Variants in POFUT2 observed in about 807,000 individuals in gnomAD.
POFUT2 encodes protein O-fucosyltransferase 2.
POFUT2 carries 30 observed loss-of-function variants against 55.0 expected under a neutral mutation model. That is an observed-to-expected ratio of 0.55 (90% CI 0.41 to 0.74). The LOEUF (loss-of-function observed/expected upper bound fraction) is 0.74. Among genes scored for constraint, POFUT2 ranks in the 30% least tolerant of loss-of-function variants. POFUT2 has a pLI of 0.00. For missense variants in POFUT2, 524 were observed against 562.6 expected (o/e 0.93, Z 0.69); for synonymous variants, 267 against 231.1 (o/e 1.16, Z -1.41).
intron 3 of POFUT2, 34 bp downstream of exon 3, chr21:45,283,323 GCATGCGGCAGGGGGAGGTGGGGGGGC>G (rs2030967581): frequency 3.4e-6 from 2 of 585,704 alleles, no homozygotes; most frequent in South Asian, 2.1e-5. Context: ...GGGGGGGGAC[GCATGCGGCAGGGGGAGGTGGGGGGGC>G]ACCTGCGGCA....
chr21:45,276,017 T>C (rs1276543520), intron 6 of POFUT2, among the ~76,000 whole-genome samples: 1 of 152,124 alleles, frequency 6.6e-6, no homozygotes, highest in African/African-American at 2.4e-5. Flanking sequence ...GGGAAAATCC[T>C]GTCTGTACTC....
chr21:45,266,469 C>T, intron 8 of POFUT2: 1 of 1,141,372 alleles, frequency 8.8e-7, no homozygotes, highest in Non-Finnish European at 1.1e-6. Flanking sequence ...GGGCAGGAGG[C>T]TGAGAGCTCA....
chr21:45,275,727 T>C (rs2093256978), intron 6 of POFUT2, among the ~76,000 whole-genome samples: 1 of 152,154 alleles, frequency 6.6e-6, no homozygotes, highest in African/African-American at 2.4e-5. Context: ...ACAATGGACT[T>C]TGGGGACTCG....
At chr21:45,280,522 G>C (rs147148472) in intron 4 of POFUT2, among the ~76,000 whole-genome samples, 1 of 152,292 alleles carries the variant, frequency 6.6e-6, no homozygotes, top group Non-Finnish European at 1.5e-5. Context: ...CTTGCTCCAG[G>C]AGCAGCCTTT....
rs558493685 is a variant in POFUT2 at position 45,268,192 on chromosome 21, C to T, written c.1013-479G>A. Among the ~76,000 whole-genome samples, 768 of 152,356 alleles carry T rather than the reference C, an allele frequency of 5.0e-3. 4 individuals are homozygous for T. Among genetic ancestry groups the T allele is most frequent in the Non-Finnish European group, 7.7e-3 (524 of 68,024 alleles). ...TGGAGACGGGGTTTCGCTGTGTTGG[C>T]CGGGCCGGTCTCCAGCCCCTAACCG... On this transcript the variant is annotated intron_variant, in intron 7 of 8. Transcript: ENST00000349485.
In POFUT2 at chr21:45,267,157, C is replaced by T. The variant is rs191187084; in HGVS notation, c.1136+433G>A. 15 of 1,269,986 alleles carry T rather than the reference C, an allele frequency of 1.2e-5. No homozygotes were observed. The highest frequency in any genetic ancestry group is 7.8e-5 in the East Asian group (2 of 25,558). 78.7% of individuals were successfully genotyped at this position (1,269,986 alleles called of 1,614,324 possible). A position where few individuals can be genotyped will look rare whatever the true frequency, so the allele number is the denominator to read the frequency against. On this transcript the variant is annotated intron_variant, in intron 8 of 8. Coordinates refer to ENST00000349485, the MANE Select transcript of POFUT2 (RefSeq NM_133635.6). This position sits in a 1 kb window ranked among gnomAD's most constrained non-coding sequence, Gnocchi z 4.4. ...CTTGGGGACGCTCATGGCAGCCCCA[C>T]GAGAATGATCACACGAGGGCCCACG...
chr21:45,275,073 T>G (rs1375672141), intron 6 of POFUT2, among the ~76,000 whole-genome samples: 2 of 151,804 alleles, frequency 1.3e-5, no homozygotes, highest in African/African-American at 4.8e-5. Flanking sequence ...ATGAAACAGA[T>G]CAGCATGAAA....
At position 45,281,981 on chromosome 21, in the gene POFUT2, T is replaced by C. The variant is rs1304942492; in HGVS notation, c.638+368A>G. Among the ~76,000 whole-genome samples the C allele has an allele frequency of 1.3e-5, 2 of 152,018 alleles. No individual in the cohort carries two copies. Among genetic ancestry groups the C allele is most frequent in the Admixed American group, 1.3e-4 (2 of 15,274 alleles). On this transcript the variant is annotated intron_variant, in intron 4 of 8. Transcript: ENST00000349485. This position sits in a 1 kb window ranked among gnomAD's most constrained non-coding sequence, Gnocchi z 5.0. ...CAGAAAACAGATCAAACAGTGGGTG[T>C]TGGGTGTGGGGAGGGGGGAGGTACT...
rs757233229 is a variant in POFUT2, at chr21:45,283,459, T to C, written c.451A>G (p.Thr151Ala). ...CGCTCGTCCACCTTCTCTTCCCAGG[T>C]CCCTTCTTTCCACCCCTCTGCGTAA... ...QSYAEGWKEG[T>A]WEEKVDERPC... Residue 151 changes from threonine to alanine, a missense_variant, in exon 3 of 9, where the codon ACC becomes GCC. Thr to Ala is a moderately conservative substitution (Grantham distance 58). Coordinates refer to ENST00000349485, the MANE Select transcript of POFUT2 (RefSeq NM_133635.6). 6.2e-7 allele frequency: 1 copy of C among 1,613,806 alleles called. No individual in the cohort carries two copies. The highest frequency in any genetic ancestry group is 1.7e-5 in the Admixed American group (1 of 60,002).
At position 45,270,086 on chromosome 21, in the gene POFUT2, G is replaced by C. The variant is rs2093205605; in HGVS notation, c.832-67C>G. On this transcript the variant is annotated intron_variant, in intron 6 of 8. Transcript: ENST00000349485. This position sits in a 1 kb window ranked among gnomAD's most constrained non-coding sequence, Gnocchi z 4.6. ...GCTCGGGGCTCATCCTGGGCACCGG[G>C]TGGGACTCGAGACGCAGAGGGATGA... is the stretch of plus-strand genomic sequence containing the variant. The C allele has an allele frequency of 2.2e-6, 3 of 1,334,328 alleles. No homozygotes were observed. Among genetic ancestry groups the C allele is most frequent in the Non-Finnish European group, 3.0e-6 (3 of 1,003,480 alleles). 82.7% of individuals were successfully genotyped at this position (1,334,328 alleles called of 1,614,324 possible).
chr21:45,280,574 C>A (rs1347726802), intron 4 of POFUT2, among the ~76,000 whole-genome samples: 1 of 152,186 alleles, frequency 6.6e-6, no homozygotes, highest in Non-Finnish European at 1.5e-5. Context: ...GTTGGTTTCC[C>A]GAGCATGACA....
intron 1 of POFUT2, among the ~76,000 whole-genome samples, chr21:45,287,042 T>C (rs1486768934): frequency 6.6e-6 from 1 of 151,912 alleles, no homozygotes; most frequent in Non-Finnish European, 1.5e-5. Flanking sequence ...CCGGCCCCCT[T>C]CCTGGGCTCC....
In POFUT2 at chr21:45,285,847, C is replaced by G; in HGVS notation, c.213G>C (p.Lys71Asn). Residue 71 changes from lysine (K) to asparagine (N), a missense_variant, in exon 2 of 9, where the codon AAG becomes AAC. Physicochemically the swap from Lys to Asn is moderately conservative, Grantham distance 94. Transcript: ENST00000349485. The surrounding 1 kb of genome is among the most constrained non-coding windows in gnomAD (Gnocchi z 4.9). ...CCCACTCCTCCGTCTTCAGCAGAGT[C>G]TTCAGGAGAGAGGCGATTCGGATAT... The part of the protein sequence containing the change: ...DVYIRIASLL[K>N]TLLKTEEWVL... 6.2e-7 allele frequency: 1 copy of G among 1,613,476 alleles called. No individual in the cohort carries two copies. Among genetic ancestry groups the G allele is most frequent in the Non-Finnish European group, 8.5e-7 (1 of 1,179,996 alleles).
Position 45,282,713 on chromosome 21 carries a change from G to C in POFUT2, c.528-254C>G. 1 of 540,890 alleles carries C rather than the reference G, an allele frequency of 1.8e-6. No homozygotes were observed. The highest frequency in any genetic ancestry group is 4.0e-5 in the East Asian group (1 of 25,264). 33.5% of individuals were successfully genotyped at this position (540,890 alleles called of 1,614,324 possible). ...CTGGCGGGATGGCCGGGGAGGCAGA[G>C]GGAGCCGGACAGAGGCAGCCCTGTG... is the stretch of plus-strand genomic sequence containing the variant. On this transcript the variant is annotated intron_variant, in intron 3 of 8. Coordinates refer to ENST00000349485, the MANE Select transcript of POFUT2 (RefSeq NM_133635.6). The surrounding 1 kb of genome is among the most constrained non-coding windows in gnomAD (Gnocchi z 4.6).
rs2146619945 is a variant in POFUT2 at position 45,278,168 on chromosome 21, A to G, written c.640T>C (p.Ser214Pro). Residue 214 changes from serine to proline, a missense_variant and splice_region_variant, in exon 5 of 9, where the codon TCC (serine) becomes CCC (proline). Physicochemically the swap from Ser to Pro is moderately conservative, Grantham distance 74 (BLOSUM62 -1). This residue lies in a region of POFUT2 where 250 missense variants were observed against 318.2 expected (regional missense o/e 0.79). Transcript: ENST00000349485. ...TTCTCGGCTCTGTCTAACATCACGG[A>G]CCTGTTTTTAAACAACAGAAGAATA... ...PLLLRNTSAR[S>P]VMLDRAENLL... 6.2e-7 allele frequency: 1 copy of G among 1,611,134 alleles called. No individual in the cohort carries two copies. The highest frequency in any genetic ancestry group is 8.5e-7 in the Non-Finnish European group (1 of 1,177,334).
rs1391635412 is a variant in POFUT2, at chr21:45,281,993, AG to A, written c.638+355del. 2.0e-5 allele frequency among the ~76,000 whole-genome samples: 3 copies of A among 151,918 alleles called. No homozygotes were observed. The highest frequency in any genetic ancestry group is 2.0e-4 in the Admixed American group (3 of 15,256). ...CAAACAGTGGGTGTTGGGTGTGGGG[AG>A]GGGGGAGGTACTGGTAAAAGCTGCC... On this transcript the variant is annotated intron_variant, in intron 4 of 8. Coordinates refer to ENST00000349485, the MANE Select transcript of POFUT2 (RefSeq NM_133635.6). This position sits in a 1 kb window ranked among gnomAD's most constrained non-coding sequence, Gnocchi z 5.0.
In POFUT2 at chr21:45,274,604, T is replaced by C. The variant is rs78535659; in HGVS notation, c.831+2413A>G. Among the ~76,000 whole-genome samples, 248 of 152,272 alleles carry C rather than the reference T, an allele frequency of 1.6e-3. 2 individuals carry two copies. The highest frequency in any genetic ancestry group is 5.6e-3 in the African/African-American group (233 of 41,548). On this transcript the variant is annotated intron_variant, in intron 6 of 8. Coordinates refer to ENST00000349485, the MANE Select transcript of POFUT2 (RefSeq NM_133635.6). ...TTACCAAAACAGCATGGTACCGCTA[T>C]AAAAATAGGTACCTAGACCAGTGGA...
At chr21:45,269,163 T>TG (rs1323434482) in intron 7 of POFUT2, among the ~76,000 whole-genome samples, 4 of 121,890 alleles carry the variant, frequency 3.3e-5, no homozygotes, top group African/African-American at 1.2e-4. Context: ...GGGAGGGAGG[T>TG]GGGGGGGTCA....
At chr21:45,283,955 C>T (rs2031080462) in intron 2 of POFUT2, among the ~76,000 whole-genome samples, 2 of 152,206 alleles carry the variant, frequency 1.3e-5, no homozygotes, top group Admixed American at 1.3e-4. Flanking sequence ...CCCTCGGCCA[C>T]CATCTACTGC....
Sources: allele counts gnomAD v4.1 joint callset (sites outside exome capture counted in the v4.1 genomes callset), GRCh38; gene constraint gnomAD v4.1.1; regional missense constraint gnomAD v4.1.1; non-coding constraint Gnocchi (gnomAD v3.1); transcripts MANE v1.5; gene names NCBI Gene and HGNC (gene_info 2026-07-23, HGNC 2026-07-21).